Variants in FSHR observed in about 807,000 individuals in gnomAD.
FSHR encodes follicle-stimulating hormone receptor.
In FSHR, 46 loss-of-function variants were observed where a neutral mutation model predicts 52.1. The observed-to-expected ratio is 0.88, with a 90% confidence interval of 0.70 to 1.13. The LOEUF (loss-of-function observed/expected upper bound fraction) is 1.13. Among genes scored for constraint, FSHR ranks in the 50% most tolerant of loss-of-function variants. FSHR has a pLI of 0.00. For missense variants in FSHR, 964 were observed against 834.6 expected (o/e 1.16, Z -1.91); for synonymous variants, 399 against 309.6 (o/e 1.29, Z -3.03).
chr2:49,013,489 T>TATATATATAAATATATATATATATAA (rs1558389445), intron 4 of FSHR, among the ~76,000 whole-genome samples: 57 of 73,040 alleles, frequency 7.8e-4, no homozygotes, highest in Middle Eastern at 6.3e-3. Flanking sequence ...TAAATAAATA[T>TATATATATAAATATATATATATATAA]ATATATATAT....
intron 2 of FSHR, among the ~76,000 whole-genome samples, chr2:49,025,370 C>T (rs1676120353): frequency 6.6e-6 from 1 of 152,074 alleles, no homozygotes; most frequent in Non-Finnish European, 1.5e-5. Flanking sequence ...TTAACTGGTG[C>T]TATCTGTATT....
In FSHR at chr2:49,154,194, T is replaced by C. The variant is rs913080792; in HGVS notation, c.152+72A>G. 3.4e-6 allele frequency: 5 copies of C among 1,490,376 alleles called. No homozygotes were observed. The African/African-American group carries it at 5.5e-5, about 16-fold the overall frequency. 92.3% of individuals were successfully genotyped at this position (1,490,376 alleles called of 1,614,324 possible). A position where few individuals can be genotyped will look rare whatever the true frequency, so the allele number is the denominator to read the frequency against. On this transcript the variant is annotated intron_variant, in intron 1 of 9. Coordinates refer to ENST00000406846, the MANE Select transcript of FSHR (RefSeq NM_000145.4). ...TTCAGTCTAACAGATATCAGCCTAATGTAAAAATAATAATAGTACGCAATG... is the reference window on the plus strand; with the variant it reads ...TTCAGTCTAACAGATATCAGCCTAACGTAAAAATAATAATAGTACGCAATG...
At chr2:49,089,408 A>G (rs1670516550) in intron 1 of FSHR, among the ~76,000 whole-genome samples, 2 of 152,240 alleles carry the variant, frequency 1.3e-5, no homozygotes, top group African/African-American at 4.8e-5. Context: ...ATACTATTAG[A>G]ACAGAGCAAG....
chr2:49,082,739 G>A, intron 1 of FSHR, among the ~76,000 whole-genome samples: 1 of 152,120 alleles, frequency 6.6e-6, no homozygotes. Context: ...GGAAGAAAGG[G>A]TATCAGCGAT....
chr2:49,040,049 C>G (rs1005579332), intron 2 of FSHR, among the ~76,000 whole-genome samples: 1 of 152,036 alleles, frequency 6.6e-6, no homozygotes, highest in Admixed American at 6.6e-5. Flanking sequence ...ATTCCTGGAT[C>G]CACAGCTTGG....
At chr2:49,005,373 CAGGCAGA>C (rs1319180222) in intron 4 of FSHR, among the ~76,000 whole-genome samples, 1 of 152,102 alleles carries the variant, frequency 6.6e-6, no homozygotes, top group Non-Finnish European at 1.5e-5. Flanking sequence ...TTGGCTCTGC[CAGGCAGA>C]TTACTGATAA....
At chr2:49,095,249 A>T (rs1670779696) in intron 1 of FSHR, among the ~76,000 whole-genome samples, 1 of 152,182 alleles carries the variant, frequency 6.6e-6, no homozygotes, top group Non-Finnish European at 1.5e-5. Flanking sequence ...TACAGTAATA[A>T]GATGTGGTAG....
rs150235567 is a variant in FSHR, at chr2:48,963,151, C to T, written c.1670G>A (p.Arg557Gln). 84 of 1,613,904 alleles carry T rather than the reference C, an allele frequency of 5.2e-5. No homozygotes were observed. The highest frequency in any genetic ancestry group is 2.6e-4 in the South Asian group (24 of 91,062). ...GCYIHIYLTV[R>Q]NPNIVSSSSD... ...AGAGGAGGACACGATGTTGGGGTTC[C>T]GCACTGTGAGGTAGATGTGGATATA... The change falls in exon 10 of 10, where the codon CGG becomes CAG. Residue 557 changes from arginine to glutamine, a missense_variant. Transcript: ENST00000406846.
intron 1 of FSHR, among the ~76,000 whole-genome samples, chr2:49,109,878 A>C (rs1045670439): frequency 6.6e-6 from 1 of 152,188 alleles, no homozygotes; most frequent in African/African-American, 2.4e-5. Flanking sequence ...TTCCACTTCT[A>C]AGAAATCAAG....
intron 8 of FSHR, among the ~76,000 whole-genome samples, chr2:48,979,911 C>A (rs974646894): frequency 6.6e-6 from 1 of 152,160 alleles, no homozygotes; most frequent in Non-Finnish European, 1.5e-5. Flanking sequence ...ATAGCCTACG[C>A]ATACTCCTAC....
chr2:49,127,751 TTTC>T (rs1345639633), intron 1 of FSHR, among the ~76,000 whole-genome samples: 4,129 of 77,148 alleles, frequency 0.054, 158 homozygotes, highest in Non-Finnish European at 0.061. Context: ...CTTCTTCTTC[TTTC>T]TTCTTCTTCT....
chr2:49,041,502 G>A (rs551460956), intron 2 of FSHR, among the ~76,000 whole-genome samples: 13 of 152,236 alleles, frequency 8.5e-5, no homozygotes, highest in African/African-American at 3.1e-4. Flanking sequence ...CCAGATACGT[G>A]CATATCTATT....
chr2:48,991,281 A>T (rs190265306), intron 4 of FSHR, among the ~76,000 whole-genome samples: 1 of 152,216 alleles, frequency 6.6e-6, no homozygotes, highest in Non-Finnish European at 1.5e-5. Context: ...AGCTGTGGGT[A>T]ATATAGCTGA....
intron 4 of FSHR, among the ~76,000 whole-genome samples, chr2:49,013,916 G>C (rs1410967077): frequency 2.0e-5 from 3 of 152,044 alleles, no homozygotes; most frequent in African/African-American, 7.2e-5. Context: ...CTTACAAAAA[G>C]AGGAAGAGAC....
At chr2:49,087,217 T>C (rs1463792483) in intron 1 of FSHR, among the ~76,000 whole-genome samples, 2 of 151,850 alleles carry the variant, frequency 1.3e-5, no homozygotes, top group Non-Finnish European at 2.9e-5. Flanking sequence ...CTTTGTTCAA[T>C]GGAGGTTAGG....
chr2:48,990,641 G>A lies in FSHR; in HGVS notation c.375-4C>T, dbSNP rs946116596. On this transcript the variant is annotated splice_polypyrimidine_tract_variant and splice_region_variant and intron_variant, in intron 4 of 9. Transcript: ENST00000406846. ...AATACCTGTGTTGGATATTAACCTA[G>A]AGAGAAACAAAATGAGAGTGAGTGA... The A allele has an allele frequency of 1.9e-6, 3 of 1,581,516 alleles. No individual in the cohort carries two copies. Among genetic ancestry groups the A allele is most frequent in the Non-Finnish European group, 2.6e-6 (3 of 1,150,696 alleles).
intron 4 of FSHR, chr2:49,014,796 GTGCT>G: frequency 2.7e-6 from 1 of 373,672 alleles, no homozygotes; most frequent in South Asian, 2.1e-5. Context: ...CTTGGCAGGA[GTGCT>G]TTGCATTAGC....
chr2:49,038,313 A>G (rs1668345677), intron 2 of FSHR, among the ~76,000 whole-genome samples: 1 of 152,178 alleles, frequency 6.6e-6, no homozygotes, highest in African/African-American at 2.4e-5. Flanking sequence ...TTAAATACTT[A>G]CACAGTTAAA....
chr2:48,974,988 G>C (rs1674921438), intron 8 of FSHR, among the ~76,000 whole-genome samples: 1 of 152,200 alleles, frequency 6.6e-6, no homozygotes, highest in Non-Finnish European at 1.5e-5. Flanking sequence ...ACATGGGCGT[G>C]GGTGGGGGGT....
Sources: gnomAD v4.1 joint callset for allele counts (sites outside exome capture counted in the v4.1 genomes callset) on GRCh38, gnomAD v4.1.1 for gene constraint, MANE v1.5 for transcripts, NCBI Gene and HGNC (gene_info 2026-07-23, HGNC 2026-07-21) for gene names.